TTC27: variants seen among roughly 807,000 people sequenced by gnomAD.
The protein encoded by TTC27 is tetratricopeptide repeat protein 27.
In TTC27, 79 loss-of-function variants were observed where a neutral mutation model predicts 115.9. The ratio of observed to expected loss-of-function variants is 0.68; its 90% CI spans 0.57 to 0.82. TTC27 has a LOEUF of 0.82. Ranked by LOEUF, TTC27 falls within the 40% of genes least tolerant of loss-of-function variation. The pLI is 0.00. For synonymous variants in TTC27, 401 were observed against 356.0 expected (o/e 1.13, Z -1.42); for missense variants, 1,054 against 993.1 (o/e 1.06, Z -0.82).
At chr2:32,639,499 T>C (rs1367719675) in intron 3 of TTC27, among the ~76,000 whole-genome samples, 6 of 152,208 alleles carry the variant, frequency 3.9e-5, no homozygotes, top group Admixed American at 3.9e-4. Context: ...ATAGAAATTA[T>C]GGAGTAGAGA....
At chr2:32,641,278 C>T (rs1465826341) in intron 4 of TTC27, among the ~76,000 whole-genome samples, 1 of 152,162 alleles carries the variant, frequency 6.6e-6, no homozygotes, top group Non-Finnish European at 1.5e-5. Flanking sequence ...TGGAGGTTGT[C>T]AGCCACGCAG....
intron 13 of TTC27, among the ~76,000 whole-genome samples, chr2:32,758,896 G>GA (rs1296001893): frequency 2.0e-5 from 3 of 151,806 alleles, no homozygotes; most frequent in Non-Finnish European, 4.4e-5. Context: ...AATCAGTAAT[G>GA]AAAGAAAAAC....
At chr2:32,671,365 G>C (rs1001484781) in intron 7 of TTC27, among the ~76,000 whole-genome samples, 6 of 151,706 alleles carry the variant, frequency 4.0e-5, no homozygotes, top group Non-Finnish European at 7.4e-5. Flanking sequence ...GGAGAGACAG[G>C]GTCTTGCTGT....
At chr2:32,675,981 AG>A (rs1559200600) in intron 8 of TTC27, among the ~76,000 whole-genome samples, 3 of 151,896 alleles carry the variant, frequency 2.0e-5, no homozygotes, top group Non-Finnish European at 4.4e-5. Flanking sequence ...TAGTAGAGAC[AG>A]GGTTTCACCA....
At chr2:32,685,493 T>C (rs903792078) in intron 9 of TTC27, among the ~76,000 whole-genome samples, 1 of 152,142 alleles carries the variant, frequency 6.6e-6, no homozygotes, top group African/African-American at 2.4e-5. Context: ...AACTATAAAA[T>C]TGGATAAAAT....
At chr2:32,672,771 TC>T (rs1208085763) in intron 8 of TTC27, among the ~76,000 whole-genome samples, 5 of 152,226 alleles carry the variant, frequency 3.3e-5, no homozygotes, top group Non-Finnish European at 7.3e-5. Flanking sequence ...AACTTTTTTT[TC>T]TGATTAGAAA....
chr2:32,817,331 C>G (rs1671536746), intron 18 of TTC27, 126 bp from the exon 19 acceptor site: 1 of 680,058 alleles, frequency 1.5e-6, no homozygotes, highest in African/African-American at 1.8e-5. Flanking sequence ...ACAATAAAAA[C>G]TTTCCAGGTA....
At chr2:32,750,689 G>C (rs975571420) in intron 12 of TTC27, among the ~76,000 whole-genome samples, 1 of 152,032 alleles carries the variant, frequency 6.6e-6, no homozygotes, top group African/African-American at 2.4e-5. Context: ...CTTCAAACGG[G>C]GGTTTAGATA....
chr2:32,645,117 A>G (rs1048665999), intron 4 of TTC27, among the ~76,000 whole-genome samples: 3 of 152,024 alleles, frequency 2.0e-5, no homozygotes, highest in African/African-American at 4.8e-5. Flanking sequence ...TTTTTGAGTA[A>G]CCTGACTCCA....
chr2:32,688,351 T>C (rs1376448629), intron 9 of TTC27, among the ~76,000 whole-genome samples: 1 of 152,140 alleles, frequency 6.6e-6, no homozygotes, highest in Non-Finnish European at 1.5e-5. Flanking sequence ...AAAATTGTTA[T>C]AACATTGGGT....
At chr2:32,686,805 C>A (rs1027946274) in intron 9 of TTC27, among the ~76,000 whole-genome samples, 3 of 151,964 alleles carry the variant, frequency 2.0e-5, no homozygotes, top group Admixed American at 2.0e-4. Flanking sequence ...GACTTTTTTG[C>A]TTGGAAGAAG....
At chr2:32,742,773 C>T (rs1234690838) in intron 12 of TTC27, among the ~76,000 whole-genome samples, 1 of 152,146 alleles carries the variant, frequency 6.6e-6, no homozygotes, top group Non-Finnish European at 1.5e-5. Flanking sequence ...GTCTCCCTGT[C>T]ATTGAGAAAC....
intron 12 of TTC27, among the ~76,000 whole-genome samples, chr2:32,737,621 A>G (rs754781134): frequency 2.3e-4 from 35 of 152,150 alleles, no homozygotes; most frequent in Non-Finnish European, 1.9e-4. Context: ...TGAAAGTTGC[A>G]TTTCTTTCAC....
chr2:32,678,369 ACT>A (rs1273351335), intron 8 of TTC27, among the ~76,000 whole-genome samples: 2 of 150,428 alleles, frequency 1.3e-5, no homozygotes, highest in Non-Finnish European at 3.0e-5. Context: ...TCTTTGACAA[ACT>A]CTACATTTGT....
intron 6 of TTC27, among the ~76,000 whole-genome samples, chr2:32,665,892 A>G (rs1292306498): frequency 6.6e-6 from 1 of 152,202 alleles, no homozygotes; most frequent in Non-Finnish European, 1.5e-5. Flanking sequence ...TCCATCTCAT[A>G]AAAAATAAAA....
At chr2:32,722,627 CT>C (rs1667966447) in intron 10 of TTC27, among the ~76,000 whole-genome samples, 2 of 152,204 alleles carry the variant, frequency 1.3e-5, no homozygotes, top group Admixed American at 1.3e-4. Flanking sequence ...CCATGCCCTA[CT>C]TTCTAAGGAA....
chr2:32,753,942 G>A (rs1459733453), intron 12 of TTC27, among the ~76,000 whole-genome samples: 1 of 151,834 alleles, frequency 6.6e-6, no homozygotes. Context: ...GGGCATGGTG[G>A]TACATGCCTG....
chr2:32,768,989 T>G (rs7575060), intron 13 of TTC27, among the ~76,000 whole-genome samples: 124,058 of 152,184 alleles, frequency 0.82, 50,625 homozygotes, highest in Middle Eastern at 0.9. Flanking sequence ...TAGCAGAGAT[T>G]GTTGCTAGTC....
intron 8 of TTC27, among the ~76,000 whole-genome samples, chr2:32,677,235 G>T (rs1207796988): frequency 6.6e-6 from 1 of 152,084 alleles, no homozygotes. Flanking sequence ...TTACTTTGCA[G>T]TATAGCATTC....
Sources: gnomAD v4.1 joint callset for allele counts (sites outside exome capture counted in the v4.1 genomes callset) on GRCh38, gnomAD v4.1.1 for gene constraint, MANE v1.5 for transcripts, NCBI Gene and HGNC (gene_info 2026-07-23, HGNC 2026-07-21) for gene names.